WDR70: variants seen among roughly 807,000 people sequenced by gnomAD.
WDR70 encodes the protein WD repeat domain 70.
WDR70 carries 53 observed loss-of-function variants against 88.6 expected under a neutral mutation model. That is an observed-to-expected ratio of 0.60 (90% CI 0.48 to 0.75). The LOEUF (loss-of-function observed/expected upper bound fraction) is 0.75, where lower values mean the gene tolerates loss of function less well. WDR70 is among the 30% of genes least tolerant of loss of function. WDR70 has a pLI of 0.00. For synonymous variants in WDR70, 280 were observed against 270.0 expected, an observed-to-expected ratio of 1.04 and a Z score of -0.36; for missense variants, 610 against 823.2, an observed-to-expected ratio of 0.74 and a Z score of 3.17.
intron 13 of WDR70, among the ~76,000 whole-genome samples, chr5:37,717,645 C>T (rs1747688859): frequency 1.3e-5 from 2 of 152,118 alleles, no homozygotes; most frequent in African/African-American, 2.4e-5. Context: ...AGGCACGTGT[C>T]GCATTGTTGT....
At chr5:37,400,675 C>T (rs1446288121) in intron 5 of WDR70, among the ~76,000 whole-genome samples, 3 of 152,150 alleles carry the variant, frequency 2.0e-5, no homozygotes, top group Non-Finnish European at 4.4e-5. Flanking sequence ...GACCTGTCAG[C>T]AAATACATCT....
chr5:37,457,651 G>A (rs563741167), intron 7 of WDR70, among the ~76,000 whole-genome samples: 2 of 152,150 alleles, frequency 1.3e-5, no homozygotes, highest in African/African-American at 4.8e-5. Context: ...ATGATGACAC[G>A]TTTTCTTGAA....
intron 17 of WDR70, among the ~76,000 whole-genome samples, chr5:37,735,891 A>T (rs183410557): frequency 6.3e-4 from 96 of 152,282 alleles, no homozygotes; most frequent in Middle Eastern, 6.8e-3. Flanking sequence ...GCCTGCCTAC[A>T]CATGACATAC....
intron 8 of WDR70, among the ~76,000 whole-genome samples, chr5:37,487,731 T>A (rs1038238375): frequency 3.3e-5 from 5 of 150,920 alleles, no homozygotes; most frequent in Non-Finnish European, 5.9e-5. Context: ...GTACAAGTGA[T>A]TCCCCTGCCT....
chr5:37,480,387 T>TA (rs1467571116), intron 8 of WDR70, among the ~76,000 whole-genome samples: 1 of 152,210 alleles, frequency 6.6e-6, no homozygotes, highest in Non-Finnish European at 1.5e-5. Context: ...CTCATGCTGC[T>TA]AATAATGACC....
intron 10 of WDR70, among the ~76,000 whole-genome samples, chr5:37,666,149 A>T (rs1055750161): frequency 5.9e-5 from 9 of 152,188 alleles, no homozygotes; most frequent in African/African-American, 2.2e-4. Context: ...AGGTCATTCC[A>T]CGGCGCTGTG....
In WDR70 at chr5:37,402,944, G is replaced by GTTTTTTTTTTT. The variant is rs5867348; in HGVS notation, c.492+6384_492+6394dup. Among the ~76,000 whole-genome samples, 28 of 84,380 alleles carry GTTTTTTTTTTT rather than the reference G, an allele frequency of 3.3e-4. 1 individual carries two copies. The highest frequency in any genetic ancestry group is 1.3e-3 in the African/African-American group (26 of 19,482). 55.4% of individuals were successfully genotyped at this position (84,380 alleles called of 152,430 possible). A position where few individuals can be genotyped will look rare whatever the true frequency, so the allele number is the denominator to read the frequency against. ...TTTCCCTCCTTCCCTCCCTCCCTCC[G>GTTTTTTTTTTT]TTTTTTTTTTTTTTTTTTTTGAGTC... On this transcript the variant is annotated intron_variant, in intron 5 of 17. Coordinates refer to ENST00000265107, the MANE Select transcript of WDR70 (RefSeq NM_018034.4).
chr5:37,659,460 A>G (rs1745642602), intron 10 of WDR70, among the ~76,000 whole-genome samples: 1 of 151,516 alleles, frequency 6.6e-6, no homozygotes. Context: ...TTATTTGCTC[A>G]TTGTCTTCTA....
chr5:37,497,512 C>G (rs1447984793), intron 8 of WDR70, among the ~76,000 whole-genome samples: 10 of 131,988 alleles, frequency 7.6e-5, no homozygotes, highest in Admixed American at 3.8e-4. Context: ...CGTCTCTTCC[C>G]TCTTCCCTTC....
intron 10 of WDR70, among the ~76,000 whole-genome samples, chr5:37,691,138 T>C (rs1234589479): frequency 2.0e-5 from 3 of 152,182 alleles, no homozygotes; most frequent in East Asian, 1.9e-4. Flanking sequence ...CATTGCATAA[T>C]GGTAAAGAGA....
intron 9 of WDR70, among the ~76,000 whole-genome samples, chr5:37,557,959 T>TTTG: frequency 1.8e-4 from 26 of 146,608 alleles, no homozygotes; most frequent in South Asian, 6.6e-4. Flanking sequence ...AAAAGAGTAT[T>TTTG]ATGTATATTT....
Position 37,539,735 on chromosome 5 carries a change from G to T in WDR70, c.917+23145G>T, listed in dbSNP as rs565422020. ...TTGAGGCGTCTTACCATTCTACTTT[G>T]TATGCCTTTGGCGAGTCTGCCTACT... On this transcript the variant is annotated intron_variant, in intron 9 of 17. Transcript: ENST00000265107. Among the ~76,000 whole-genome samples, 5 of 152,332 alleles carry T rather than the reference G, an allele frequency of 3.3e-5. No individual in the cohort carries two copies. In the South Asian group the frequency reaches 1.0e-3, roughly 32 times the overall value.
At chr5:37,478,911 C>G (rs564162470) in intron 7 of WDR70, among the ~76,000 whole-genome samples, 19 of 152,194 alleles carry the variant, frequency 1.2e-4, no homozygotes, top group Middle Eastern at 3.4e-3. Flanking sequence ...ATGGCAAGAT[C>G]AAGATCAGTT....
chr5:37,704,806 G>T (rs11957694), intron 13 of WDR70, among the ~76,000 whole-genome samples: 4,898 of 152,132 alleles, frequency 0.032, 268 homozygotes, highest in African/African-American at 0.11. Flanking sequence ...TTTGGAGAGT[G>T]AGGCAGGAGA....
rs534632333 is a variant in WDR70, at chr5:37,694,620, C to G, written c.1093-3035C>G. ...GACAGAAAACCAAACACTGCATGTT[C>G]TCACTCATAGGTGGGAATCGAACAA... On this transcript the variant is annotated intron_variant, in intron 10 of 17. Coordinates refer to ENST00000265107, the MANE Select transcript of WDR70 (RefSeq NM_018034.4). 5.9e-5 allele frequency among the ~76,000 whole-genome samples: 9 copies of G among 152,088 alleles called. No individual in the cohort carries two copies. The South Asian group carries it at 1.9e-3, about 32-fold the overall frequency.
At chr5:37,582,890 T>C (rs902014153) in intron 9 of WDR70, among the ~76,000 whole-genome samples, 3 of 152,246 alleles carry the variant, frequency 2.0e-5, no homozygotes, top group African/African-American at 4.8e-5. Context: ...AGCACTTCTT[T>C]AGGATGTCGC....
chr5:37,665,194 A>T (rs1195574445), intron 10 of WDR70, among the ~76,000 whole-genome samples: 1 of 152,082 alleles, frequency 6.6e-6, no homozygotes, highest in Non-Finnish European at 1.5e-5. Context: ...AAATCTGATG[A>T]TTTACTTTTC....
At chr5:37,507,716 A>G (rs1740604326) in intron 8 of WDR70, among the ~76,000 whole-genome samples, 1 of 152,206 alleles carries the variant, frequency 6.6e-6, no homozygotes, top group Admixed American at 6.5e-5. Context: ...TGTACATTTT[A>G]TAGTATATCA....
At chr5:37,394,285 C>CAAAA (rs199867827) in intron 4 of WDR70, among the ~76,000 whole-genome samples, 21 of 95,820 alleles carry the variant, frequency 2.2e-4, no homozygotes, top group African/African-American at 6.8e-4. Flanking sequence ...GACTCTGTCT[C>CAAAA]AAAAAAAAAA....
Sources: allele counts gnomAD v4.1 joint callset (sites outside exome capture counted in the v4.1 genomes callset), GRCh38; gene constraint gnomAD v4.1.1; transcripts MANE v1.5; gene names NCBI Gene and HGNC (gene_info 2026-07-23, HGNC 2026-07-21).